The following ANO2 variants were observed in gnomAD, a reference collection of about 807,000 sequenced individuals.
The protein encoded by ANO2 is anoctamin-2.
A neutral mutation model predicts 124.2 loss-of-function variants in ANO2; 101 were observed. That is an observed-to-expected ratio of 0.81 (90% CI 0.69 to 0.96). The LOEUF (loss-of-function observed/expected upper bound fraction) is 0.96. ANO2 is among the 40% of genes least tolerant of loss of function. The pLI, the probability that ANO2 is intolerant of heterozygous loss-of-function variation, is 0.00. For missense variants in ANO2, 1,293 were observed against 1,274.5 expected (o/e 1.01, Z -0.22); for synonymous variants, 486 against 482.5 (o/e 1.01, Z -0.09).
intron 7 of ANO2, among the ~76,000 whole-genome samples, chr12:5,825,993 C>T (rs999047189): frequency 1.3e-5 from 2 of 152,242 alleles, no homozygotes; most frequent in African/African-American, 4.8e-5. Context: ...GAAACGAGGA[C>T]TGCCAATTGT....
At chr12:5,630,588 C>A (rs1055548972) in intron 16 of ANO2, among the ~76,000 whole-genome samples, 1 of 152,240 alleles carries the variant, frequency 6.6e-6, no homozygotes, top group Non-Finnish European at 1.5e-5. Context: ...TAAATGCTCA[C>A]TGTAGCCTCT....
intron 17 of ANO2, among the ~76,000 whole-genome samples, chr12:5,614,272 G>A (rs538054109): frequency 2.6e-5 from 4 of 152,292 alleles, no homozygotes; most frequent in Non-Finnish European, 4.4e-5. Flanking sequence ...TCCCTCCATA[G>A]GAGTATCTTT....
At chr12:5,812,904 G>T (rs1458841974) in intron 7 of ANO2, among the ~76,000 whole-genome samples, 3 of 138,194 alleles carry the variant, frequency 2.2e-5, no homozygotes, top group African/African-American at 5.4e-5. Flanking sequence ...AAGCAAACAA[G>T]CAAGCAAGAA....
intron 16 of ANO2, among the ~76,000 whole-genome samples, chr12:5,617,487 C>T (rs1016598208): frequency 4.0e-5 from 6 of 148,656 alleles, no homozygotes; most frequent in Non-Finnish European, 7.5e-5. Context: ...TACGTCGTAC[C>T]GCACTCTCCA....
chr12:5,864,195 C>T (rs1055347020), intron 3 of ANO2, among the ~76,000 whole-genome samples: 1 of 152,178 alleles, frequency 6.6e-6, no homozygotes, highest in Non-Finnish European at 1.5e-5. Flanking sequence ...TGTAACTGAA[C>T]ACCACCAAGT....
intron 3 of ANO2, among the ~76,000 whole-genome samples, chr12:5,884,729 T>C (rs775386644): frequency 3.9e-5 from 6 of 152,166 alleles, no homozygotes; most frequent in Non-Finnish European, 7.3e-5. Context: ...GACAATATGC[T>C]GGACCTGCAG....
intron 14 of ANO2, among the ~76,000 whole-genome samples, chr12:5,724,549 G>A (rs1238181198): frequency 2.0e-5 from 3 of 152,174 alleles, no homozygotes; most frequent in African/African-American, 7.2e-5. Context: ...CCTCCGCAAA[G>A]GCCCAACAAT....
At chr12:5,724,811 G>A (rs942959037) in intron 14 of ANO2, among the ~76,000 whole-genome samples, 3 of 152,054 alleles carry the variant, frequency 2.0e-5, no homozygotes, top group African/African-American at 4.8e-5. Flanking sequence ...TGGGGGCCCC[G>A]GGGCCTGCGC....
chr12:5,939,522 T>C (rs998130311), intron 1 of ANO2, among the ~76,000 whole-genome samples: 1 of 152,066 alleles, frequency 6.6e-6, no homozygotes, highest in African/African-American at 2.4e-5. Context: ...ATCTGTTAGG[T>C]TGGTGGAAAT....
At chr12:5,889,273 G>A (rs993976475) in intron 3 of ANO2, among the ~76,000 whole-genome samples, 2 of 152,164 alleles carry the variant, frequency 1.3e-5, no homozygotes, top group Non-Finnish European at 2.9e-5. Context: ...CTCCGGCCTC[G>A]GCCAGCCCAG....
At chr12:5,724,766 C>T (rs1950369324) in intron 14 of ANO2, among the ~76,000 whole-genome samples, 1 of 152,124 alleles carries the variant, frequency 6.6e-6, no homozygotes, top group Non-Finnish European at 1.5e-5. Flanking sequence ...ATAAAACATT[C>T]ATTAAATGAG....
intron 1 of ANO2, among the ~76,000 whole-genome samples, chr12:5,923,076 A>ACC (rs1565783380): frequency 4.7e-5 from 1 of 21,432 alleles, no homozygotes; most frequent in African/African-American, 6.2e-5. Flanking sequence ...ACACACATGC[A>ACC]CACATACACA....
chr12:5,667,840 A>G (rs1282962099), intron 14 of ANO2, among the ~76,000 whole-genome samples: 1 of 152,214 alleles, frequency 6.6e-6, no homozygotes, highest in Admixed American at 6.5e-5. Context: ...TGCTGAGGAC[A>G]ATGACTTCCA....
At chr12:5,886,478 T>C (rs980902850) in intron 3 of ANO2, among the ~76,000 whole-genome samples, 18 of 152,222 alleles carry the variant, frequency 1.2e-4, no homozygotes, top group African/African-American at 4.1e-4. Flanking sequence ...GAGTAAGTTC[T>C]AGAGTTCTGC....
At chr12:5,695,217 T>C (rs1565578200) in intron 14 of ANO2, among the ~76,000 whole-genome samples, 1 of 152,184 alleles carries the variant, frequency 6.6e-6, no homozygotes, top group Admixed American at 6.5e-5. Flanking sequence ...CAATACCGAA[T>C]TGGCCTCAAC....
At chr12:5,895,275 G>A (rs534733421) in intron 3 of ANO2, among the ~76,000 whole-genome samples, 2 of 152,282 alleles carry the variant, frequency 1.3e-5, no homozygotes, top group South Asian at 4.1e-4. Context: ...GTTCACTCAT[G>A]ATTTGGCTCT....
chr12:5,917,440 A>G (rs1948948509), intron 3 of ANO2, among the ~76,000 whole-genome samples: 1 of 152,220 alleles, frequency 6.6e-6, no homozygotes, highest in African/African-American at 2.4e-5. Flanking sequence ...TAAACCTGGC[A>G]ACAGTAAATA....
intron 3 of ANO2, chr12:5,881,956 A>C (rs1263287680): frequency 6.6e-6 from 1 of 152,258 alleles, no homozygotes; most frequent in Non-Finnish European, 1.5e-5. Context: ...GGGCTGAAGA[A>C]GAGAATTAAC....
At chr12:5,829,628 A>G (rs1221168155) in intron 6 of ANO2, among the ~76,000 whole-genome samples, 1 of 152,208 alleles carries the variant, frequency 6.6e-6, no homozygotes, top group East Asian at 1.9e-4. Context: ...GCACTTCCAT[A>G]CGTCCCATGT....
Sources: gnomAD v4.1 joint callset for allele counts (sites outside exome capture counted in the v4.1 genomes callset) on GRCh38, gnomAD v4.1.1 for gene constraint, MANE v1.5 for transcripts, NCBI Gene and HGNC (gene_info 2026-07-23, HGNC 2026-07-21) for gene names.